ASCC3: variants seen among roughly 807,000 people sequenced by gnomAD.
ASCC3 encodes activating signal cointegrator 1 complex subunit 3.
A neutral mutation model predicts 256.3 loss-of-function variants in ASCC3; 158 were observed. The ratio of observed to expected loss-of-function variants is 0.62; its 90% CI spans 0.54 to 0.70. ASCC3 has a LOEUF of 0.70. Ranked by LOEUF, ASCC3 falls within the 30% of genes least tolerant of loss-of-function variation. The pLI, the probability that ASCC3 is intolerant of heterozygous loss-of-function variation, is 0.00. For synonymous variants in ASCC3, 948 were observed against 883.4 expected, an observed-to-expected ratio of 1.07 and a Z score of -1.30; for missense variants, 2,259 against 2,626.0, an observed-to-expected ratio of 0.86 and a Z score of 3.05.
At chr6:100,819,669 G>A (rs1320698601) in intron 4 of ASCC3, among the ~76,000 whole-genome samples, 2 of 152,204 alleles carry the variant, frequency 1.3e-5, no homozygotes, top group African/African-American at 4.8e-5. Context: ...GGTGGGGGGA[G>A]ATGAATGCCA....
At chr6:100,544,467 G>A (rs1439683810) in intron 36 of ASCC3, among the ~76,000 whole-genome samples, 1 of 151,912 alleles carries the variant, frequency 6.6e-6, no homozygotes, top group Non-Finnish European at 1.5e-5. Context: ...CCAATATCAG[G>A]TATAAGAGGG....
intron 3 of ASCC3, among the ~76,000 whole-genome samples, chr6:100,862,663 T>C (rs1773282579): frequency 2.0e-5 from 3 of 152,122 alleles, no homozygotes; most frequent in African/African-American, 7.2e-5. Context: ...ATATTGTGGG[T>C]TCTAGTATAA....
intron 16 of ASCC3, among the ~76,000 whole-genome samples, chr6:100,661,323 T>TCACACA (rs749963143): frequency 0.031 from 4,377 of 141,568 alleles, 150 homozygotes; most frequent in African/African-American, 0.086. Flanking sequence ...AACACAAAAG[T>TCACACA]CACACACACA....
chr6:100,606,886 T>C, intron 31 of ASCC3, 26 bp from the exon 32 acceptor site: 1 of 1,605,916 alleles, frequency 6.2e-7, no homozygotes, highest in Non-Finnish European at 8.5e-7. Context: ...AAATATCTTA[T>C]ATCTAAGTAA....
intron 13 of ASCC3, among the ~76,000 whole-genome samples, chr6:100,712,509 A>G (rs1285964922): frequency 6.6e-6 from 1 of 152,170 alleles, no homozygotes; most frequent in African/African-American, 2.4e-5. Flanking sequence ...AGCATATGAA[A>G]AGACGCTTAA....
At chr6:100,627,802 A>G (rs1206205011) in intron 28 of ASCC3, 40 bp downstream of exon 28, 1 of 1,612,438 alleles carries the variant, frequency 6.2e-7, no homozygotes. Flanking sequence ...TCAAAGTAAC[A>G]CTACTAAATA....
intron 4 of ASCC3, among the ~76,000 whole-genome samples, chr6:100,825,232 A>T (rs1334746086): frequency 6.6e-6 from 1 of 151,864 alleles, no homozygotes. Flanking sequence ...TCCCAACACA[A>T]ATTAGTAAAC....
At chr6:100,593,184 C>G (rs973497807) in intron 34 of ASCC3, among the ~76,000 whole-genome samples, 1 of 152,008 alleles carries the variant, frequency 6.6e-6, no homozygotes, top group African/African-American at 2.4e-5. Context: ...AGAAAGCCAG[C>G]GGGATCACAA....
chr6:100,649,617 G>A lies in ASCC3; in HGVS notation c.3252+921C>T, dbSNP rs537561586. Among the ~76,000 whole-genome samples, 11 of 151,490 alleles carry A rather than the reference G, an allele frequency of 7.3e-5. No individual in the cohort carries two copies. The South Asian group carries it at 2.3e-3, about 31-fold the overall frequency. Reference sequence around the variant, plus strand: ...AATATTCCATGTTTAAAGGACTCCTGAGTACTCATGGCTATTAATAATGAT... The same window carrying A: ...AATATTCCATGTTTAAAGGACTCCTAAGTACTCATGGCTATTAATAATGAT... On this transcript the variant is annotated intron_variant, in intron 20 of 41. Transcript: ENST00000369162.
intron 11 of ASCC3, among the ~76,000 whole-genome samples, chr6:100,723,886 ATATATATATATT>A (rs1779478944): frequency 8.8e-6 from 1 of 113,368 alleles, no homozygotes; most frequent in Admixed American, 8.3e-5. Flanking sequence ...ATATATATAT[ATATATATATATT>A]TATAATTATA....
intron 13 of ASCC3, among the ~76,000 whole-genome samples, chr6:100,700,319 G>A (rs901215993): frequency 6.6e-5 from 10 of 152,128 alleles, no homozygotes; most frequent in African/African-American, 2.2e-4. Flanking sequence ...ATTGAGGTTT[G>A]GGAACCTCTG....
At chr6:100,699,137 G>A (rs899541417) in intron 13 of ASCC3, among the ~76,000 whole-genome samples, 3 of 152,112 alleles carry the variant, frequency 2.0e-5, no homozygotes, top group East Asian at 1.9e-4. Flanking sequence ...TTTGCACAAC[G>A]AAATAATGCA....
At chr6:100,554,419 C>A (rs540983586) in intron 36 of ASCC3, among the ~76,000 whole-genome samples, 3 of 152,232 alleles carry the variant, frequency 2.0e-5, no homozygotes, top group African/African-American at 7.2e-5. Context: ...CTGCACACAT[C>A]GCTGCCTACA....
chr6:100,697,289 A>C (rs1161771499), intron 13 of ASCC3, among the ~76,000 whole-genome samples: 2 of 152,076 alleles, frequency 1.3e-5, no homozygotes, highest in Admixed American at 6.6e-5. Context: ...TGTATTAGCT[A>C]TCTTCACATT....
intron 25 of ASCC3, 132 bp downstream of exon 25, chr6:100,638,469 T>C (rs1322867850): frequency 1.4e-6 from 1 of 713,840 alleles, no homozygotes; most frequent in Non-Finnish European, 2.3e-6. Context: ...TGTACTGATC[T>C]GGTCCCCTGG....
intron 30 of ASCC3, among the ~76,000 whole-genome samples, chr6:100,619,833 A>G (rs541539861): frequency 1.8e-4 from 28 of 152,228 alleles, no homozygotes; most frequent in African/African-American, 6.7e-4. Flanking sequence ...CACTGACTAG[A>G]GAATACTGAG....
In ASCC3 at chr6:100,718,138, A is replaced by G. The variant is rs867105552; in HGVS notation, c.2016T>C (p.Phe672=). 2 of 1,613,772 alleles carry G rather than the reference A, an allele frequency of 1.2e-6. No homozygotes were observed. Among genetic ancestry groups the G allele is most frequent in the Middle Eastern group, 1.7e-4 (1 of 6,058 alleles). ...HVNPYIGLFF[F]DGRFRPVPLG... ...GAGGTACTGGTCGAAAACGGCCATC[A>G]AAGAAGAAAAGTCCAATGTATGGAT... is the stretch of plus-strand genomic sequence containing the variant. The change falls in exon 12 of 42, where the codon TTT becomes TTC. Residue 672 remains phenylalanine, a synonymous_variant. Transcript: ENST00000369162.
intron 4 of ASCC3, among the ~76,000 whole-genome samples, chr6:100,821,715 T>C (rs1355620978): frequency 1.3e-5 from 2 of 151,758 alleles, no homozygotes; most frequent in African/African-American, 4.8e-5. Flanking sequence ...TCCCAGCTAC[T>C]CAGAAGGCTG....
rs1036822694 is a variant in ASCC3 at position 100,721,122 on chromosome 6, G to T, written c.1903-2871C>A. On this transcript the variant is annotated intron_variant, in intron 11 of 41. Coordinates refer to ENST00000369162, the MANE Select transcript of ASCC3 (RefSeq NM_006828.4). ...TACATACAGAAAGGATTAGCACTAA[G>T]ACTACAATCTGTTTTCTTTTTCTAC... is the stretch of plus-strand genomic sequence containing the variant. 4.0e-5 allele frequency among the ~76,000 whole-genome samples: 6 copies of T among 151,454 alleles called. No individual in the cohort carries two copies. In the South Asian group the frequency reaches 1.2e-3, roughly 31 times the overall value.
Sources: allele counts gnomAD v4.1 joint callset (sites outside exome capture counted in the v4.1 genomes callset), GRCh38; gene constraint gnomAD v4.1.1; transcripts MANE v1.5; gene names NCBI Gene and HGNC (gene_info 2026-07-23, HGNC 2026-07-21).